The following HEMK2 variants were observed in gnomAD, a reference collection of about 807,000 sequenced individuals.
HEMK2 encodes the protein HemK methyltransferase 2, ETF1 glutamine and histone H4 lysine.
chr21:28,845,687 AT>A, the HEMK2 span, among the ~76,000 whole-genome samples: 3 of 146,458 alleles, frequency 2.0e-5, no homozygotes, highest in African/African-American at 5.4e-5. Context: ...GTAAGTAGAA[AT>A]TTTTTTCTCA....
At chr21:28,641,871 T>G in the HEMK2 span, among the ~76,000 whole-genome samples, 2 of 152,226 alleles carry the variant, frequency 1.3e-5, no homozygotes, top group Non-Finnish European at 1.5e-5. Context: ...ACACAACCAC[T>G]GCTTGGCTGT....
the HEMK2 span, among the ~76,000 whole-genome samples, chr21:28,864,904 G>GATAGA: frequency 9.3e-6 from 1 of 107,822 alleles, no homozygotes; most frequent in Non-Finnish European, 2.0e-5. Context: ...GATAGATATA[G>GATAGA]ATAGATGATA....
chr21:28,728,438 T>C, the HEMK2 span, among the ~76,000 whole-genome samples: 1 of 152,226 alleles, frequency 6.6e-6, no homozygotes, highest in Non-Finnish European at 1.5e-5. Context: ...ATTTATCAAC[T>C]GTGCTTTTCT....
At chr21:28,856,322 G>GGAGAATT in the HEMK2 span, among the ~76,000 whole-genome samples, 1 of 152,114 alleles carries the variant, frequency 6.6e-6, no homozygotes, top group Non-Finnish European at 1.5e-5. Flanking sequence ...GGCTGAAGCA[G>GGAGAATT]GAGAATTGTT....
At chr21:28,793,718 T>C in the HEMK2 span, among the ~76,000 whole-genome samples, 3 of 152,182 alleles carry the variant, frequency 2.0e-5, no homozygotes, top group African/African-American at 2.4e-5. Flanking sequence ...GTTAAGAATC[T>C]TGAAAACAGA....
the HEMK2 span, among the ~76,000 whole-genome samples, chr21:28,643,736 G>A: frequency 3.9e-5 from 6 of 152,192 alleles, no homozygotes; most frequent in Non-Finnish European, 8.8e-5. Context: ...CTCCAAAACT[G>A]TGAGAAATGA....
the HEMK2 span, among the ~76,000 whole-genome samples, chr21:28,811,481 A>C: frequency 6.6e-6 from 1 of 151,916 alleles, no homozygotes; most frequent in Non-Finnish European, 1.5e-5. Flanking sequence ...GAAAGAAAGA[A>C]AAGAAAGAAA....
chr21:28,585,276 G>A, the HEMK2 span, among the ~76,000 whole-genome samples: 4 of 151,996 alleles, frequency 2.6e-5, no homozygotes, highest in Non-Finnish European at 5.9e-5. Flanking sequence ...AGGTTGCAGT[G>A]AGCCTAGATT....
At chr21:28,749,664 T>C in the HEMK2 span, among the ~76,000 whole-genome samples, 4 of 152,210 alleles carry the variant, frequency 2.6e-5, no homozygotes, top group South Asian at 4.1e-4. Context: ...TAAAAGGCAA[T>C]CTGTTTTAAC....
chr21:28,869,746 G>A, the HEMK2 span, among the ~76,000 whole-genome samples: 1 of 152,186 alleles, frequency 6.6e-6, no homozygotes, highest in Non-Finnish European at 1.5e-5. Context: ...TCTATGCTCT[G>A]GACAAAGCAC....
chr21:28,843,269 T>C, the HEMK2 span, among the ~76,000 whole-genome samples: 1 of 152,082 alleles, frequency 6.6e-6, no homozygotes, highest in Non-Finnish European at 1.5e-5. Context: ...TGACTCACAG[T>C]TCTGCATGGC....
chr21:28,616,413 TG>T, the HEMK2 span, among the ~76,000 whole-genome samples: 1 of 152,192 alleles, frequency 6.6e-6, no homozygotes, highest in Non-Finnish European at 1.5e-5. Context: ...GTGCCTAAAA[TG>T]TATGAGCTAA....
chr21:28,627,570 C>T, the HEMK2 span, among the ~76,000 whole-genome samples: 1 of 152,120 alleles, frequency 6.6e-6, no homozygotes, highest in African/African-American at 2.4e-5. Flanking sequence ...CTAAAATTAA[C>T]ATAAGTCAGG....
the HEMK2 span, among the ~76,000 whole-genome samples, chr21:28,607,697 A>T: frequency 6.6e-6 from 1 of 152,238 alleles, no homozygotes; most frequent in Admixed American, 6.5e-5. Context: ...ACCACTATGC[A>T]TATTACCTGG....
chr21:28,665,609 G>C, the HEMK2 span, among the ~76,000 whole-genome samples: 1 of 151,566 alleles, frequency 6.6e-6, no homozygotes, highest in African/African-American at 2.4e-5. Flanking sequence ...AGGATGTGGA[G>C]AAATAGGAAC....
chr21:28,640,116 A>G, the HEMK2 span, among the ~76,000 whole-genome samples: 1 of 152,238 alleles, frequency 6.6e-6, no homozygotes, highest in Non-Finnish European at 1.5e-5. Flanking sequence ...CAATTTTTAA[A>G]TGAATCTACA....
the HEMK2 span, among the ~76,000 whole-genome samples, chr21:28,807,421 G>A: frequency 2.0e-5 from 3 of 152,192 alleles, no homozygotes; most frequent in Non-Finnish European, 4.4e-5. Flanking sequence ...AGATTAGCAT[G>A]CAGAATTGTT....
the HEMK2 span, among the ~76,000 whole-genome samples, chr21:28,663,525 C>T: frequency 6.6e-6 from 1 of 152,218 alleles, no homozygotes; most frequent in Non-Finnish European, 1.5e-5. Context: ...ACAAAAGGGG[C>T]TCTGCAGCAA....
At chr21:28,613,619 C>CTTTTTTTTTTTTT in the HEMK2 span, among the ~76,000 whole-genome samples, 61 of 82,702 alleles carry the variant, frequency 7.4e-4, 7 homozygotes, top group African/African-American at 1.4e-3. Flanking sequence ...TCTGCATATT[C>CTTTTTTTTTTTTT]TTTTTTTTTT....
Sources: gnomAD v4.1 joint callset for allele counts (sites outside exome capture counted in the v4.1 genomes callset) on GRCh38, gnomAD v4.1.1 for gene constraint, MANE v1.5 for transcripts, NCBI Gene and HGNC (gene_info 2026-07-23, HGNC 2026-07-21) for gene names.